The following NCK1 variants were observed in gnomAD, a reference collection of about 807,000 sequenced individuals.
NCK1 encodes SH2/SH3 adapter protein NCK1.
NCK1 carries 19 observed loss-of-function variants against 36.6 expected under a neutral mutation model. The ratio of observed to expected loss-of-function variants is 0.52; its 90% CI spans 0.36 to 0.76. The LOEUF (loss-of-function observed/expected upper bound fraction) is 0.76, where lower values mean the gene tolerates loss of function less well. Ranked by LOEUF, NCK1 falls within the 30% of genes least tolerant of loss-of-function variation. NCK1 has a pLI of 0.00. For missense variants in NCK1, 358 were observed against 445.6 expected, an observed-to-expected ratio of 0.80 and a Z score of 1.77; for synonymous variants, 165 against 156.0, an observed-to-expected ratio of 1.06 and a Z score of -0.43.
At chr3:136,943,130 GATTTT>G (rs1025191489) in intron 2 of NCK1, among the ~76,000 whole-genome samples, 6 of 152,022 alleles carry the variant, frequency 3.9e-5, no homozygotes, top group African/African-American at 1.4e-4. Context: ...CCTTGCCCTA[GATTTT>G]ATAAGTTTTT....
Position 136,879,418 on chromosome 3 carries a change from A to G in NCK1, c.-19+17065A>G, listed in dbSNP as rs540750736. The stretch of plus-strand genomic sequence containing the variant: ...GAAAGAAAATAGATATACGCTTTCA[A>G]TTAAAGCCTAGTCAGGAAAATGGAG... On this transcript the variant is annotated intron_variant, in intron 1 of 3. Transcript: ENST00000481752. 3.3e-5 allele frequency among the ~76,000 whole-genome samples: 5 copies of G among 152,322 alleles called. No individual in the cohort carries two copies. The South Asian group carries it at 8.3e-4, about 25-fold the overall frequency.
intron 1 of NCK1, among the ~76,000 whole-genome samples, chr3:136,905,706 C>G (rs1201557803): frequency 6.6e-6 from 1 of 152,046 alleles, no homozygotes; most frequent in Admixed American, 6.6e-5. Context: ...CTCAGTGCAG[C>G]CTCGACCTCC....
intron 2 of NCK1, among the ~76,000 whole-genome samples, chr3:136,934,482 C>T (rs1256335116): frequency 1.3e-5 from 2 of 151,990 alleles, no homozygotes; most frequent in African/African-American, 4.8e-5. Flanking sequence ...GATGGGGTTT[C>T]ACCATGTTGG....
chr3:136,934,330 G>C (rs1368481525), intron 2 of NCK1, among the ~76,000 whole-genome samples: 1 of 151,968 alleles, frequency 6.6e-6, no homozygotes, highest in Non-Finnish European at 1.5e-5. Flanking sequence ...CTGTTGCCCA[G>C]GTTGGAGTGC....
intron 1 of NCK1, among the ~76,000 whole-genome samples, chr3:136,862,917 C>T (rs902952117): frequency 6.7e-6 from 1 of 148,840 alleles, no homozygotes; most frequent in South Asian, 2.1e-4. Context: ...TGGTCTGGAC[C>T]TGCTTCAGAT....
chr3:136,888,564 G>A (rs149852633), intron 1 of NCK1, among the ~76,000 whole-genome samples: 108 of 151,708 alleles, frequency 7.1e-4, no homozygotes, highest in African/African-American at 2.6e-3. Context: ...CACCATGCCC[G>A]GCTAATTTTT....
chr3:136,890,919 A>G (rs1576956309), intron 1 of NCK1, among the ~76,000 whole-genome samples: 1 of 152,196 alleles, frequency 6.6e-6, no homozygotes, highest in African/African-American at 2.4e-5. Flanking sequence ...GGCAATCACC[A>G]TTCTACTTTC....
intron 1 of NCK1, among the ~76,000 whole-genome samples, chr3:136,921,437 T>G (rs1940106985): frequency 6.6e-6 from 1 of 152,192 alleles, no homozygotes; most frequent in Non-Finnish European, 1.5e-5. Context: ...TTCTAAACTT[T>G]TGCTGTGGTA....
At chr3:136,890,897 C>T (rs898535327) in intron 1 of NCK1, among the ~76,000 whole-genome samples, 2 of 152,164 alleles carry the variant, frequency 1.3e-5, no homozygotes, top group African/African-American at 4.8e-5. Flanking sequence ...GTCTGCCATC[C>T]CCCCAACCTC....
At chr3:136,908,680 A>G (rs1939749224) in intron 1 of NCK1, among the ~76,000 whole-genome samples, 1 of 152,224 alleles carries the variant, frequency 6.6e-6, no homozygotes, top group African/African-American at 2.4e-5. Flanking sequence ...GGAGACTGAC[A>G]ATATATATTT....
At chr3:136,889,036 ATTTTTTGATTTTT>A (rs1220197018) in intron 1 of NCK1, 2 of 127,858 alleles carry the variant, frequency 1.6e-5, no homozygotes, top group African/African-American at 6.1e-5. Context: ...TGCCAGGCTA[ATTTTTTGATTTTT>A]TTTTTTTTTT....
chr3:136,888,539 A>T (rs1330015841), intron 1 of NCK1, among the ~76,000 whole-genome samples: 1 of 151,918 alleles, frequency 6.6e-6, no homozygotes, highest in Non-Finnish European at 1.5e-5. Flanking sequence ...AGTAGCTGGG[A>T]CTACAGAAGC....
chr3:136,936,469 T>A (rs1940533997), intron 2 of NCK1, among the ~76,000 whole-genome samples: 1 of 152,232 alleles, frequency 6.6e-6, no homozygotes, highest in Admixed American at 6.5e-5. Flanking sequence ...CATGTACAGT[T>A]ATTGTTTGAA....
At chr3:136,872,346 G>T (rs921303931) in intron 1 of NCK1, among the ~76,000 whole-genome samples, 1 of 152,176 alleles carries the variant, frequency 6.6e-6, no homozygotes, top group Non-Finnish European at 1.5e-5. Flanking sequence ...CTAGAGATCT[G>T]TGGAACTTTG....
At chr3:136,920,095 C>G (rs1940066449) in intron 1 of NCK1, among the ~76,000 whole-genome samples, 1 of 152,128 alleles carries the variant, frequency 6.6e-6, no homozygotes, top group Non-Finnish European at 1.5e-5. Flanking sequence ...TTATTCTCTT[C>G]AGCTTTTTAA....
intron 1 of NCK1, among the ~76,000 whole-genome samples, chr3:136,866,495 C>A (rs572388780): frequency 6.6e-6 from 1 of 150,676 alleles, no homozygotes; most frequent in Non-Finnish European, 1.5e-5. Flanking sequence ...TTAGTAGAGA[C>A]GGGGTTTCTC....
intron 2 of NCK1, among the ~76,000 whole-genome samples, chr3:136,939,506 G>T (rs1183130090): frequency 6.6e-6 from 1 of 151,858 alleles, no homozygotes; most frequent in East Asian, 1.9e-4. Flanking sequence ...TTTGAGTTTA[G>T]TTTTTCTTTT....
chr3:136,898,420 A>T (rs892036611), intron 1 of NCK1, among the ~76,000 whole-genome samples: 1 of 150,992 alleles, frequency 6.6e-6, no homozygotes, highest in Non-Finnish European at 1.5e-5. Flanking sequence ...ATGCAGTGGT[A>T]TCAAGAAAAA....
chr3:136,872,821 G>A (rs927290070), intron 1 of NCK1, among the ~76,000 whole-genome samples: 1 of 152,220 alleles, frequency 6.6e-6, no homozygotes, highest in African/African-American at 2.4e-5. Flanking sequence ...CAAGCCCCAA[G>A]CCTTGGTGTT....
Sources: gnomAD v4.1 joint callset for allele counts (sites outside exome capture counted in the v4.1 genomes callset) on GRCh38, gnomAD v4.1.1 for gene constraint, MANE v1.5 for transcripts, NCBI Gene and HGNC (gene_info 2026-07-23, HGNC 2026-07-21) for gene names.